C4orf33: variants seen among roughly 807,000 people sequenced by gnomAD.
The protein encoded by C4orf33 is chromosome 4 open reading frame 33.
Under a neutral mutation model 24.3 loss-of-function variants are expected in C4orf33, and 20 were observed. That is an observed-to-expected ratio of 0.82 (90% confidence interval 0.58 to 1.19). C4orf33 has a LOEUF of 1.19. Among genes scored for constraint, C4orf33 ranks in the 50% most tolerant of loss-of-function variants. The pLI is 0.00. For synonymous variants in C4orf33, 67 were observed against 76.4 expected, an observed-to-expected ratio of 0.88 and a Z score of 0.64; for missense variants, 207 against 225.9, an observed-to-expected ratio of 0.92 and a Z score of 0.54.
chr4:129,096,262 C>G (rs1313655027), intron 1 of C4orf33, 53 bp downstream of exon 1: 1 of 152,128 alleles, frequency 6.6e-6, no homozygotes. Context: ...TTCGTCGTCG[C>G]CAGGTCTTGT....
chr4:129,100,783 T>C (rs983326186), intron 1 of C4orf33: 2 of 152,200 alleles, frequency 1.3e-5, no homozygotes, highest in Admixed American at 6.5e-5. Flanking sequence ...ATTAGGAGAA[T>C]AGCATTTTCT....
At chr4:129,096,073 A>G (rs1329774320), upstream of C4orf33, 2 of 152,184 alleles carry the variant, frequency 1.3e-5, no homozygotes, top group African/African-American at 4.8e-5. Flanking sequence ...TCTTTCCTAG[A>G]AAAATCAAGC....
chr4:129,109,418 T>C (rs1159827716), intron 4 of C4orf33, 55 bp from the exon 5 acceptor site: 1 of 1,598,242 alleles, frequency 6.3e-7, no homozygotes, highest in African/African-American at 1.3e-5. Context: ...CATATTTCTA[T>C]GTTTAAAGTG....
intron 3 of C4orf33, among the ~76,000 whole-genome samples, chr4:129,106,905 T>A (rs1365415157): frequency 6.6e-6 from 1 of 151,946 alleles, no homozygotes; most frequent in Non-Finnish European, 1.5e-5. Context: ...TAGATTTTTG[T>A]AATAAATTTC....
chr4:129,100,866 T>G (rs2125799783), intron 1 of C4orf33: 1 of 152,352 alleles, frequency 6.6e-6, no homozygotes, highest in South Asian at 2.1e-4. Context: ...TCTTCCTATA[T>G]GCTGCATGAG....
Position 129,109,355 on chromosome 4 carries a change from G to T in C4orf33, c.291G>T (p.Trp97Cys). 2 of 1,613,826 alleles carry T rather than the reference G, an allele frequency of 1.2e-6. No homozygotes were observed. Among genetic ancestry groups the T allele is most frequent in the South Asian group, 1.1e-5 (1 of 91,080 alleles). The change falls in exon 4 of 6, where the codon TGG (tryptophan) becomes TGT (cysteine). Residue 97 changes from tryptophan (W) to cysteine (C), a missense_variant. Coordinates refer to ENST00000425929, the MANE Select transcript of C4orf33 (RefSeq NM_001099783.2). Reference protein sequence around the residue: ...VLLLSGRRNVWKQELPLSFRM... With the variant: ...VLLLSGRRNVCKQELPLSFRM... ...TACTTTCTGGAAGAAGAAATGTGTG[G>T]AAAGTAAGTAAATAAAAATAGGAGG...
rs988308754 is a variant in C4orf33 at position 129,113,684 on chromosome 4, G to T, written c.*1893G>T. The T allele has an allele frequency of 5.3e-5, 8 of 152,174 alleles. No individual in the cohort carries two copies. Among genetic ancestry groups the T allele is most frequent in the Non-Finnish European group, 1.0e-4 (7 of 68,038 alleles). The allele number at this position is 152,174 out of a possible 1,614,324, so 9.4% of individuals were successfully genotyped here. A position where few individuals can be genotyped will look rare whatever the true frequency, so the allele number is the denominator to read the frequency against. ...CATGCTTTTTCCCAGCTCCAGGAAA[G>T]TGTAAGTCACAGTCTGAAGGGAAAT... On this transcript the variant is annotated 3_prime_UTR_variant, in exon 6 of 6. Coordinates refer to ENST00000425929, the MANE Select transcript of C4orf33 (RefSeq NM_001099783.2).
chr4:129,094,838 T>C (rs1268347227), upstream of C4orf33, among the ~76,000 whole-genome samples: 2 of 152,214 alleles, frequency 1.3e-5, no homozygotes, highest in Non-Finnish European at 1.5e-5. Context: ...GTTCAGTATA[T>C]GACTCTTTCT....
intron 1 of C4orf33, among the ~76,000 whole-genome samples, chr4:129,098,471 C>G (rs1753263203): frequency 6.6e-6 from 1 of 152,180 alleles, no homozygotes; most frequent in Admixed American, 6.5e-5. Flanking sequence ...TAGCCTCCAG[C>G]TGCATCCATG....
chr4:129,109,430 A>G (rs373056399), intron 4 of C4orf33, 43 bp from the exon 5 acceptor site: 1 of 1,602,484 alleles, frequency 6.2e-7, no homozygotes, highest in African/African-American at 1.3e-5. Flanking sequence ...TTTAAAGTGT[A>G]AGCCCAATTT....
rs1753745001 is a variant in C4orf33, at chr4:129,114,515, C to T, written c.*2724C>T. The T allele has an allele frequency of 6.6e-6, 1 of 152,196 alleles. No individual in the cohort carries two copies. The highest frequency in any genetic ancestry group is 2.4e-5 in the African/African-American group (1 of 41,444). The allele number at this position is 152,196 out of a possible 1,614,324, so 9.4% of individuals were successfully genotyped here. The stretch of plus-strand genomic sequence containing the variant: ...GGAATTGCTTAACTACAGTCAACCT[C>T]TTTGGAAGTTATTGTCCTATGTTTG... On this transcript the variant is annotated 3_prime_UTR_variant, in exon 6 of 6. Transcript: ENST00000425929.
intron 5 of C4orf33, among the ~76,000 whole-genome samples, chr4:129,111,198 G>A (rs1300228739): frequency 6.6e-6 from 1 of 152,150 alleles, no homozygotes; most frequent in Non-Finnish European, 1.5e-5. Context: ...GTAGTTAAGT[G>A]GTTTTCCTCG....
Position 129,116,358 on chromosome 4 carries a change from G to T in C4orf33, c.*4567G>T, listed in dbSNP as rs1383677577. On this transcript the variant is annotated 3_prime_UTR_variant, in exon 6 of 6. Coordinates refer to ENST00000425929, the MANE Select transcript of C4orf33 (RefSeq NM_001099783.2). ...ATCACTGGCTCCTGAGAGAGCTTTG[G>T]GTGTTCTGTAAATTTTTTACTTTGC... 1.3e-5 allele frequency: 2 copies of T among 152,014 alleles called. No homozygotes were observed. Among genetic ancestry groups the T allele is most frequent in the Non-Finnish European group, 2.9e-5 (2 of 67,998 alleles). 9.4% of individuals were successfully genotyped at this position (152,014 alleles called of 1,614,324 possible).
rs1486269176 is a variant in C4orf33, at chr4:129,115,826, ATAT to A, written c.*4036_*4038del. The A allele has an allele frequency of 1.2e-4, 10 of 84,196 alleles. No individual in the cohort carries two copies. The highest frequency in any genetic ancestry group is 3.2e-4 in the East Asian group (1 of 3,088). The allele number at this position is 84,196 out of a possible 1,614,324, so 5.2% of individuals were successfully genotyped here. A position where few individuals can be genotyped will look rare whatever the true frequency, so the allele number is the denominator to read the frequency against. On this transcript the variant is annotated 3_prime_UTR_variant, in exon 6 of 6. Transcript: ENST00000425929. Reference sequence around the variant, plus strand: ...AATATATATATATATATATATATATATATAAAATATATATGTTTATATATAACA... The same window carrying A: ...AATATATATATATATATATATATATAAAAATATATATGTTTATATATAACA...
Position 129,111,698 on chromosome 4 carries a change from A to G in C4orf33, c.507A>G (p.Glu169=), listed in dbSNP as rs760175920. 1.9e-6 allele frequency: 3 copies of G among 1,607,996 alleles called. No individual in the cohort carries two copies. The highest frequency in any genetic ancestry group is 2.6e-6 in the Non-Finnish European group (3 of 1,175,320). ...QGQKPDFHCL[E]YFKSFNFNTL... The stretch of plus-strand genomic sequence containing the variant: ...TCTTTGCTTTTAGCCATTGCCTAGA[A>G]TACTTCAAGTCTTTCAATTTTAACA... Residue 169 remains glutamate, a synonymous_variant, in exon 6 of 6, where the codon GAA becomes GAG. Transcript: ENST00000425929.
At chr4:129,111,526 A>G (rs542165723) in intron 5 of C4orf33, among the ~76,000 whole-genome samples, 160 bp from the exon 6 acceptor site, 1 of 152,360 alleles carries the variant, frequency 6.6e-6, no homozygotes, top group East Asian at 1.9e-4. Flanking sequence ...TTTGACAGCT[A>G]GAGTGAGAAA....
At chr4:129,110,005 AG>A in intron 5 of C4orf33, 1 of 1,101,216 alleles carries the variant, frequency 9.1e-7, no homozygotes. Context: ...AAAGGGCCAG[AG>A]GCATCAGTGT....
At chr4:129,096,419 TGAAAA>T (rs2125797424) in intron 1 of C4orf33, among the ~76,000 whole-genome samples, 1 of 152,326 alleles carries the variant, frequency 6.6e-6, no homozygotes, top group African/African-American at 2.4e-5. Context: ...GTATGGAAAC[TGAAAA>T]GAAATCATTA....
chr4:129,096,531 T>G (rs1169436961), intron 1 of C4orf33, among the ~76,000 whole-genome samples: 2 of 152,228 alleles, frequency 1.3e-5, no homozygotes, highest in African/African-American at 2.4e-5. Flanking sequence ...CATAACTTAT[T>G]TCTTTTAAAC....
Sources: gnomAD v4.1 joint callset for allele counts (sites outside exome capture counted in the v4.1 genomes callset) on GRCh38, gnomAD v4.1.1 for gene constraint, MANE v1.5 for transcripts, NCBI Gene and HGNC (gene_info 2026-07-23, HGNC 2026-07-21) for gene names.